The following SH3KBP1 variants were observed in gnomAD, a reference collection of about 807,000 sequenced individuals.
SH3KBP1 encodes the protein SH3 domain containing kinase binding protein 1.
In SH3KBP1, 8 loss-of-function variants were observed where a neutral mutation model predicts 50.1. The observed-to-expected ratio is 0.16, with a 90% confidence interval of 0.09 to 0.29. The LOEUF is 0.29. SH3KBP1 is among the 10% of genes least tolerant of loss of function. The probability of loss-of-function intolerance (pLI) is 1.00; values close to 1 mark genes in which losing one functional copy is unlikely to be tolerated. For synonymous variants in SH3KBP1, 227 were observed against 218.6 expected (o/e 1.04, Z -0.34); for missense variants, 377 against 535.2 (o/e 0.70, Z 2.92).
chrX:19,589,977 G>A (rs113193300), intron 11 of SH3KBP1, among the ~76,000 whole-genome samples: 38 of 110,654 alleles, frequency 3.4e-4, no homozygotes, highest in African/African-American at 1.3e-3. Context: ...CGGGCATGGT[G>A]GCATACACCT....
intron 7 of SH3KBP1, among the ~76,000 whole-genome samples, chrX:19,641,203 T>C (rs1041569077): frequency 8.9e-6 from 1 of 112,025 alleles, no homozygotes; most frequent in Admixed American, 9.5e-5. Context: ...GAAGAGAGGG[T>C]CTGGCAAGCC....
chrX:19,878,505 T>TGTGTGTGTGTGTGAGAGA (rs1491094714), intron 1 of SH3KBP1, among the ~76,000 whole-genome samples: 14 of 48,253 alleles, frequency 2.9e-4, no homozygotes, highest in African/African-American at 8.3e-4. Context: ...TGTGTGTGTG[T>TGTGTGTGTGTGTGAGAGA]GAGAGAGAGA....
chrX:19,735,744 G>GGGGGGGGGT (rs2064545951), intron 3 of SH3KBP1, among the ~76,000 whole-genome samples: 1 of 72,649 alleles, frequency 1.4e-5, no homozygotes, highest in Non-Finnish European at 2.6e-5. Context: ...GGGTGGGGGG[G>GGGGGGGGGT]ACGGATTCTT....
intron 4 of SH3KBP1, among the ~76,000 whole-genome samples, chrX:19,699,459 G>A (rs763597581): frequency 9.0e-6 from 1 of 111,706 alleles, no homozygotes; most frequent in Non-Finnish European, 1.9e-5. Flanking sequence ...GTCCCTCTAC[G>A]ACCAACCCAG....
intron 9 of SH3KBP1, among the ~76,000 whole-genome samples, chrX:19,600,879 G>A (rs1379296574): frequency 9.0e-6 from 1 of 111,392 alleles, no homozygotes; most frequent in African/African-American, 3.3e-5. Context: ...ATTAAGAGCT[G>A]CAAGTCATCA....
At chrX:19,539,029 G>A (rs1472138171) in intron 16 of SH3KBP1, among the ~76,000 whole-genome samples, 1 of 112,290 alleles carries the variant, frequency 8.9e-6, no homozygotes, top group East Asian at 2.8e-4. Context: ...TCATGTCTTA[G>A]AGAAACTGGC....
chrX:19,693,850 T>C (rs899514927), intron 5 of SH3KBP1, among the ~76,000 whole-genome samples: 1 of 112,214 alleles, frequency 8.9e-6, no homozygotes, highest in East Asian at 2.8e-4. Flanking sequence ...TCTGAGAGCA[T>C]AGCTAAAATG....
intron 12 of SH3KBP1, 175 bp downstream of exon 12, chrX:19,588,468 G>C: frequency 8.5e-7 from 1 of 1,181,502 alleles, no homozygotes; most frequent in East Asian, 3.2e-5. Flanking sequence ...GAGTGCAGGA[G>C]CAAGGACAGA....
At chrX:19,687,703 T>G in intron 5 of SH3KBP1, 1 of 1,174,507 alleles carries the variant, frequency 8.5e-7, no homozygotes. Context: ...TGACAGTGAA[T>G]GAGAGAAGAG....
At chrX:19,537,916 C>A (rs2064767776) in intron 16 of SH3KBP1, 136 bp from the exon 17 acceptor site, 4 of 553,314 alleles carry the variant, frequency 7.2e-6, no homozygotes, top group South Asian at 6.0e-5. Flanking sequence ...TCATTATTTT[C>A]TTTGCATTGT....
Position 19,682,947 on chromosome X carries a change from T to C in SH3KBP1, c.726+876A>G, listed in dbSNP as rs774203021. Among the ~76,000 whole-genome samples, 12 of 105,271 alleles carry C rather than the reference T, an allele frequency of 1.1e-4. No homozygotes were observed. The East Asian group carries it at 3.6e-3, about 32-fold the overall frequency. 91.4% of individuals were successfully genotyped at this position (105,271 alleles called of 115,157 possible). ...AACAACAACACTTAAAAGCCACCCA[T>C]AAACCTGAATTAGAGAGGTTGCCAA... is the stretch of plus-strand genomic sequence containing the variant. On this transcript the variant is annotated intron_variant, in intron 6 of 17. Coordinates refer to ENST00000397821, the MANE Select transcript of SH3KBP1 (RefSeq NM_031892.3).
intron 2 of SH3KBP1, among the ~76,000 whole-genome samples, chrX:19,829,001 ATGGAAG>A (rs2067778607): frequency 9.0e-6 from 1 of 110,973 alleles, no homozygotes; most frequent in Admixed American, 9.6e-5. Flanking sequence ...CCCTCACCCA[ATGGAAG>A]CCACAACTTT....
chrX:19,671,041 G>A (rs1194269144), intron 6 of SH3KBP1: 3 of 1,035,624 alleles, frequency 2.9e-6, no homozygotes, highest in Non-Finnish European at 3.7e-6. Context: ...TTATGGTTCA[G>A]GAAGCCAGGG....
intron 3 of SH3KBP1, among the ~76,000 whole-genome samples, chrX:19,725,702 T>G (rs1325267722): frequency 1.8e-5 from 2 of 111,242 alleles, no homozygotes; most frequent in Non-Finnish European, 3.8e-5. Context: ...AAGGTGGGTC[T>G]GCCCAGAGCA....
chrX:19,797,111 G>A (rs191608549), intron 2 of SH3KBP1, among the ~76,000 whole-genome samples: 4 of 112,335 alleles, frequency 3.6e-5, no homozygotes, highest in African/African-American at 1.3e-4. Flanking sequence ...CTAAAATTCT[G>A]GTGGGAGAGA....
chrX:19,754,148 G>A (rs1230024960), intron 2 of SH3KBP1, among the ~76,000 whole-genome samples: 1 of 111,823 alleles, frequency 8.9e-6, no homozygotes, highest in African/African-American at 3.3e-5. Context: ...CTCATAACAC[G>A]AATAAGAAAA....
intron 11 of SH3KBP1, among the ~76,000 whole-genome samples, chrX:19,590,809 ATTTTTTTTTTTTTTTT>A (rs34366083): frequency 8.4e-5 from 2 of 23,763 alleles, no homozygotes; most frequent in East Asian, 1.1e-3. Flanking sequence ...AGGCCTGGCT[ATTTTTTTTTTTTTTTT>A]TTTTTTTTTT....
intron 2 of SH3KBP1, among the ~76,000 whole-genome samples, chrX:19,812,173 A>T (rs1603258839): frequency 8.9e-6 from 1 of 111,814 alleles, no homozygotes; most frequent in Admixed American, 9.5e-5. Context: ...TGGTGGTCCC[A>T]GAGGAAGTAT....
At chrX:19,702,779 C>T (rs746248481) in intron 4 of SH3KBP1, among the ~76,000 whole-genome samples, 23 of 112,328 alleles carry the variant, frequency 2.0e-4, no homozygotes, top group African/African-American at 5.8e-4. Context: ...CTCATTCACA[C>T]GCCATCTCTG....
Sources: allele counts gnomAD v4.1 joint callset (sites outside exome capture counted in the v4.1 genomes callset), GRCh38; gene constraint gnomAD v4.1.1; transcripts MANE v1.5; gene names NCBI Gene and HGNC (gene_info 2026-07-23, HGNC 2026-07-21).